The following ARMH4 variants were observed in gnomAD, a reference collection of about 807,000 sequenced individuals.
ARMH4 encodes armadillo like helical domain containing 4.
ARMH4 carries 49 observed loss-of-function variants against 61.9 expected under a neutral mutation model. That is an observed-to-expected ratio of 0.79 (90% confidence interval 0.63 to 1.00). The LOEUF is 1.00. ARMH4 is among the 50% of genes least tolerant of loss of function. ARMH4 has a pLI of 0.00. For synonymous variants in ARMH4, 368 were observed against 341.5 expected, an observed-to-expected ratio of 1.08 and a Z score of -0.85; for missense variants, 934 against 930.0, an observed-to-expected ratio of 1.00 and a Z score of -0.06.
chr14:58,145,778 C>T (rs1887715381), intron 1 of ARMH4, among the ~76,000 whole-genome samples: 1 of 152,166 alleles, frequency 6.6e-6, no homozygotes, highest in East Asian at 1.9e-4. Flanking sequence ...AAAGCTTTTT[C>T]TATGTCTGTG....
intron 5 of ARMH4, among the ~76,000 whole-genome samples, chr14:58,031,611 T>C (rs1384791045): frequency 1.3e-5 from 2 of 152,178 alleles, no homozygotes; most frequent in African/African-American, 2.4e-5. Context: ...AGAGAGGAAC[T>C]TGCAACAGAC....
At chr14:58,080,618 A>G (rs1885191313) in intron 5 of ARMH4, among the ~76,000 whole-genome samples, 1 of 152,174 alleles carries the variant, frequency 6.6e-6, no homozygotes, top group African/African-American at 2.4e-5. Flanking sequence ...ACAAGGGCTG[A>G]AAAACTACCC....
At chr14:58,081,583 C>G (rs139641814) in intron 5 of ARMH4, among the ~76,000 whole-genome samples, 2 of 151,842 alleles carry the variant, frequency 1.3e-5, no homozygotes, top group African/African-American at 4.8e-5. Flanking sequence ...TCACTGCAAG[C>G]TCCGCCTCCC....
intron 5 of ARMH4, among the ~76,000 whole-genome samples, chr14:58,082,612 G>A (rs1369381111): frequency 6.6e-6 from 1 of 152,090 alleles, no homozygotes; most frequent in Non-Finnish European, 1.5e-5. Flanking sequence ...GCTCCACTTG[G>A]TACTTTCAGA....
At chr14:58,139,895 T>C (rs895409151) in intron 1 of ARMH4, among the ~76,000 whole-genome samples, 6 of 152,140 alleles carry the variant, frequency 3.9e-5, no homozygotes, top group African/African-American at 1.2e-4. Context: ...AGCAACATGG[T>C]AGTATTAGGA....
rs189600491 is a variant in ARMH4, at chr14:58,141,869, G to A, written c.-56-2455C>T. 6.7e-3 allele frequency among the ~76,000 whole-genome samples: 1,025 copies of A among 152,246 alleles called. 9 individuals are homozygous for A. The highest frequency in any genetic ancestry group is 0.014 in the Admixed American group (210 of 15,294). ...TTTCAAAATTTAAGGATTAGAAAAGGTTTAAGAGTTAAGCAAGGTTAATAG... is the reference window on the plus strand; with the variant it reads ...TTTCAAAATTTAAGGATTAGAAAAGATTTAAGAGTTAAGCAAGGTTAATAG... On this transcript the variant is annotated intron_variant, in intron 1 of 7. Transcript: ENST00000267485.
intron 5 of ARMH4, among the ~76,000 whole-genome samples, chr14:58,016,596 A>G (rs1882624466): frequency 6.6e-6 from 1 of 152,200 alleles, no homozygotes; most frequent in Non-Finnish European, 1.5e-5. Flanking sequence ...AACCCCCAAA[A>G]TTCCATAAAC....
At position 58,133,134 on chromosome 14, in the gene ARMH4, GTTGAAA is replaced by G; in HGVS notation, c.1571_1576del (p.Ile524_Ser525del). 6.2e-7 allele frequency: 1 copy of G among 1,614,202 alleles called. No individual in the cohort carries two copies. The highest frequency in any genetic ancestry group is 8.5e-7 in the Non-Finnish European group (1 of 1,180,042). Reference sequence around the variant, plus strand: ...TTCAAAAGACAAAGGGACGACTGTAGTTGAAATTGTAGTGGCCAGAGGCTCCCATCT... The same window carrying G: ...TTCAAAAGACAAAGGGACGACTGTAGTTGTAGTGGCCAGAGGCTCCCATCT... On this transcript the variant is annotated inframe_deletion, in exon 3 of 8. Transcript: ENST00000267485.
rs1363007542 is a variant in ARMH4 at position 58,004,454 on chromosome 14, C to G, written c.*282G>C. On this transcript the variant is annotated 3_prime_UTR_variant, in exon 8 of 8. Transcript: ENST00000267485. ...AAAATATTTACTCTGCCTAATGTAGCAACTCCTACTGAAAAACATATATGT... is the reference window on the plus strand; with the variant it reads ...AAAATATTTACTCTGCCTAATGTAGGAACTCCTACTGAAAAACATATATGT... 3.9e-6 allele frequency: 1 copy of G among 258,286 alleles called. No homozygotes were observed. Among genetic ancestry groups the G allele is most frequent in the Non-Finnish European group, 7.4e-6 (1 of 135,300 alleles). 16.0% of individuals were successfully genotyped at this position (258,286 alleles called of 1,614,324 possible).
rs911350644 is a variant in ARMH4 at position 58,042,228 on chromosome 14, A to G, written c.2090-30078T>C. The stretch of plus-strand genomic sequence containing the variant: ...AACACTCCTCAGCAAATGTAAAAGG[A>G]CAGAAATTATAACAAACTGTCTCTC... On this transcript the variant is annotated intron_variant, in intron 5 of 7. Transcript: ENST00000267485. 2.6e-5 allele frequency among the ~76,000 whole-genome samples: 4 copies of G among 152,338 alleles called. No homozygotes were observed. The South Asian group carries it at 8.3e-4, about 32-fold the overall frequency.
rs1883670643 is a variant in ARMH4, at chr14:58,040,890, C to T, written c.2090-28740G>A. On this transcript the variant is annotated intron_variant, in intron 5 of 7. Transcript: ENST00000267485. ...GATGGTTTCTAAGGGAGAATGCCCT[C>T]TGCATTTCAAATCAATTTTTGGAAA... 2.6e-5 allele frequency among the ~76,000 whole-genome samples: 4 copies of T among 152,302 alleles called. No individual in the cohort carries two copies. The South Asian group carries it at 8.3e-4, about 32-fold the overall frequency.
intron 5 of ARMH4, among the ~76,000 whole-genome samples, chr14:58,029,235 CT>C (rs760032303): frequency 0.013 from 1,915 of 144,984 alleles, 17 homozygotes; most frequent in African/African-American, 0.021. Flanking sequence ...CTTAGCATAA[CT>C]TTTTTTTTTT....
intron 2 of ARMH4, among the ~76,000 whole-genome samples, chr14:58,134,970 A>T (rs1488616882): frequency 6.6e-6 from 1 of 151,920 alleles, no homozygotes; most frequent in Non-Finnish European, 1.5e-5. Flanking sequence ...AAAAAAAAAA[A>T]AAAAAATTTA....
At chr14:58,036,749 C>A (rs1467517737) in intron 5 of ARMH4, among the ~76,000 whole-genome samples, 1 of 115,982 alleles carries the variant, frequency 8.6e-6, no homozygotes, top group East Asian at 2.6e-4. Flanking sequence ...CATTCTTATA[C>A]ACCAACAACA....
At chr14:58,110,423 C>CT (rs1485366681) in intron 4 of ARMH4, among the ~76,000 whole-genome samples, 1 of 152,028 alleles carries the variant, frequency 6.6e-6, no homozygotes, top group Admixed American at 6.6e-5. Context: ...ATAACAGAAA[C>CT]TTTTTTATTT....
intron 5 of ARMH4, among the ~76,000 whole-genome samples, chr14:58,043,991 C>G (rs1263756949): frequency 6.6e-6 from 1 of 152,154 alleles, no homozygotes; most frequent in Non-Finnish European, 1.5e-5. Flanking sequence ...AAGAACATTC[C>G]ATGCTCATGG....
chr14:58,111,129 T>G (rs1794331207), intron 4 of ARMH4, among the ~76,000 whole-genome samples: 1 of 152,208 alleles, frequency 6.6e-6, no homozygotes, highest in Admixed American at 6.5e-5. Context: ...ACATATTTGC[T>G]AACAGTTGGA....
chr14:58,088,882 C>G (rs1456858936), intron 5 of ARMH4, among the ~76,000 whole-genome samples: 1 of 152,232 alleles, frequency 6.6e-6, no homozygotes, highest in South Asian at 2.1e-4. Context: ...CAATGTACAG[C>G]AACACTTCTG....
chr14:58,047,758 G>T (rs1883990900), intron 5 of ARMH4, among the ~76,000 whole-genome samples: 1 of 152,146 alleles, frequency 6.6e-6, no homozygotes, highest in Non-Finnish European at 1.5e-5. Context: ...TTGGTTTAAG[G>T]TGCAGTAATT....
Sources: allele counts gnomAD v4.1 joint callset (sites outside exome capture counted in the v4.1 genomes callset), GRCh38; gene constraint gnomAD v4.1.1; transcripts MANE v1.5; gene names NCBI Gene and HGNC (gene_info 2026-07-23, HGNC 2026-07-21).